Variants in SNX9 observed in about 807,000 individuals in gnomAD.
The protein encoded by SNX9 is sorting nexin 9.
A neutral mutation model predicts 89.4 loss-of-function variants in SNX9; 44 were observed. The ratio of observed to expected loss-of-function variants is 0.49; its 90% CI spans 0.39 to 0.63. SNX9 has a LOEUF of 0.63. Among genes scored for constraint, SNX9 ranks in the 30% least tolerant of loss-of-function variants. The probability of loss-of-function intolerance (pLI) is 0.00; values close to 1 mark genes in which losing one functional copy is unlikely to be tolerated. For synonymous variants in SNX9, 236 were observed against 247.8 expected, an observed-to-expected ratio of 0.95 and a Z score of 0.45; for missense variants, 578 against 736.1, an observed-to-expected ratio of 0.79 and a Z score of 2.49.
At chr6:157,879,782 T>A (rs991353052) in intron 4 of SNX9, among the ~76,000 whole-genome samples, 1 of 152,240 alleles carries the variant, frequency 6.6e-6, no homozygotes, top group Non-Finnish European at 1.5e-5. Context: ...CTGCTGTGAT[T>A]CTGAAAAGGT....
At chr6:157,871,881 A>G (rs1349530600) in intron 2 of SNX9, among the ~76,000 whole-genome samples, 3 of 150,642 alleles carry the variant, frequency 2.0e-5, no homozygotes, top group Non-Finnish European at 4.4e-5. Flanking sequence ...GGTTTAAGCA[A>G]TTCTCATGCC....
intron 4 of SNX9, among the ~76,000 whole-genome samples, chr6:157,879,088 C>T (rs1782575354): frequency 6.6e-6 from 1 of 152,184 alleles, no homozygotes; most frequent in Admixed American, 6.5e-5. Flanking sequence ...AGTGATGAAG[C>T]TTTTCGGGGC....
At chr6:157,904,667 G>C (rs144121689) in intron 6 of SNX9, among the ~76,000 whole-genome samples, 11 of 151,994 alleles carry the variant, frequency 7.2e-5, no homozygotes, top group African/African-American at 2.7e-4. Context: ...CCGAGATCGC[G>C]CCACTGTACT....
At chr6:157,913,728 G>A (rs1452768657) in intron 9 of SNX9, among the ~76,000 whole-genome samples, 1 of 152,144 alleles carries the variant, frequency 6.6e-6, no homozygotes. Flanking sequence ...TTTCTAGGAT[G>A]TCATTATAAA....
intron 4 of SNX9, among the ~76,000 whole-genome samples, chr6:157,895,719 G>A (rs1007165342): frequency 6.6e-6 from 1 of 152,160 alleles, no homozygotes; most frequent in African/African-American, 2.4e-5. Context: ...GGATGTTTGA[G>A]TAAGTATATA....
At chr6:157,929,737 A>G (rs1307621691) in intron 12 of SNX9, among the ~76,000 whole-genome samples, 2 of 152,102 alleles carry the variant, frequency 1.3e-5, no homozygotes, top group Admixed American at 1.3e-4. Flanking sequence ...TTTACACTAA[A>G]AAAAGAAAAC....
intron 9 of SNX9, among the ~76,000 whole-genome samples, chr6:157,916,277 A>AC (rs1783469313): frequency 1.3e-5 from 2 of 151,130 alleles, no homozygotes; most frequent in African/African-American, 4.9e-5. Flanking sequence ...CTCATGATTC[A>AC]CCCGCCTCGG....
chr6:157,851,255 C>CA lies in SNX9; in HGVS notation c.13-16278dup, dbSNP rs770815228. Among the ~76,000 whole-genome samples, 479 of 89,000 alleles carry CA rather than the reference C, an allele frequency of 5.4e-3. 2 individuals are homozygous for CA. Among genetic ancestry groups the CA allele is most frequent in the Admixed American group, 8.4e-3 (70 of 8,326 alleles). The allele number at this position is 89,000 out of a possible 152,430, so 58.4% of individuals were successfully genotyped here. On this transcript the variant is annotated intron_variant, in intron 1 of 17. Coordinates refer to ENST00000392185, the MANE Select transcript of SNX9 (RefSeq NM_016224.5). Reference sequence around the variant, plus strand: ...CTTGGGTGACAGAGCAAGATGGTCTCAAAAAAAAAAAAAACCCTAAAATAA... The same window carrying CA: ...CTTGGGTGACAGAGCAAGATGGTCTCAAAAAAAAAAAAAAACCCTAAAATAA...
chr6:157,927,484 T>A (rs1037813905), intron 11 of SNX9, among the ~76,000 whole-genome samples: 3 of 152,190 alleles, frequency 2.0e-5, no homozygotes, highest in Non-Finnish European at 4.4e-5. Flanking sequence ...TCCAATAGTG[T>A]GATGAAACCA....
chr6:157,851,771 A>G (rs1781918378), intron 1 of SNX9, among the ~76,000 whole-genome samples: 1 of 151,916 alleles, frequency 6.6e-6, no homozygotes, highest in African/African-American at 2.4e-5. Flanking sequence ...TTGTATTTTT[A>G]GTAGAGACGG....
intron 1 of SNX9, among the ~76,000 whole-genome samples, chr6:157,825,075 C>G (rs556789035): frequency 3.3e-5 from 5 of 152,246 alleles, no homozygotes; most frequent in Admixed American, 2.0e-4. Context: ...TGGTGAAACC[C>G]TGTCTCTACT....
chr6:157,923,076 T>A (rs748978706), intron 10 of SNX9, among the ~76,000 whole-genome samples: 3 of 152,338 alleles, frequency 2.0e-5, no homozygotes, highest in Admixed American at 2.0e-4. Context: ...TTGGTTTTTT[T>A]AAATGCCACC....
At chr6:157,864,000 A>G (rs957092013) in intron 1 of SNX9, among the ~76,000 whole-genome samples, 1 of 152,244 alleles carries the variant, frequency 6.6e-6, no homozygotes, top group Non-Finnish European at 1.5e-5. Flanking sequence ...CAAGGTTTAT[A>G]AACATTTTTC....
At chr6:157,872,204 A>G (rs1436223520) in intron 2 of SNX9, among the ~76,000 whole-genome samples, 2 of 152,290 alleles carry the variant, frequency 1.3e-5, no homozygotes, top group African/African-American at 4.8e-5. Flanking sequence ...TAATAGTTTA[A>G]TATTTAGATA....
At chr6:157,841,348 A>G (rs1436478162) in intron 1 of SNX9, among the ~76,000 whole-genome samples, 1 of 152,206 alleles carries the variant, frequency 6.6e-6, no homozygotes, top group Non-Finnish European at 1.5e-5. Flanking sequence ...AGATAGAAAT[A>G]CAGATTTTAT....
intron 4 of SNX9, among the ~76,000 whole-genome samples, chr6:157,888,163 A>G (rs1402493276): frequency 3.9e-5 from 6 of 152,152 alleles, no homozygotes; most frequent in Non-Finnish European, 7.3e-5. Flanking sequence ...GGCTTTGCTG[A>G]TTTTGTCTGG....
At chr6:157,825,474 G>A (rs1395198982) in intron 1 of SNX9, among the ~76,000 whole-genome samples, 1 of 152,122 alleles carries the variant, frequency 6.6e-6, no homozygotes, top group African/African-American at 2.4e-5. Flanking sequence ...ATCGAAAAGT[G>A]GTTCTTGTAT....
chr6:157,867,752 A>AT (rs1335795036), intron 2 of SNX9, 119 bp downstream of exon 2: 1 of 842,098 alleles, frequency 1.2e-6, no homozygotes, highest in African/African-American at 1.7e-5. Flanking sequence ...TTAAGATTTT[A>AT]TTTTTTTGTA....
At chr6:157,870,147 A>G (rs757452019) in intron 2 of SNX9, among the ~76,000 whole-genome samples, 1 of 148,584 alleles carries the variant, frequency 6.7e-6, no homozygotes, top group Non-Finnish European at 1.5e-5. Flanking sequence ...GAGCACACAC[A>G]CCCCTCACTC....
Sources: allele counts gnomAD v4.1 joint callset (sites outside exome capture counted in the v4.1 genomes callset), GRCh38; gene constraint gnomAD v4.1.1; transcripts MANE v1.5; gene names NCBI Gene and HGNC (gene_info 2026-07-23, HGNC 2026-07-21).